Variants in SIPA1L2 observed in about 807,000 individuals in gnomAD.
The protein encoded by SIPA1L2 is signal induced proliferation associated 1 like 2, also known as signal-induced proliferation-associated 1-like protein 2.
SIPA1L2 carries 56 observed loss-of-function variants against 163.9 expected under a neutral mutation model. The observed-to-expected ratio is 0.34, with a 90% CI of 0.28 to 0.43. The LOEUF is 0.43. Ranked by LOEUF, SIPA1L2 falls within the 20% of genes least tolerant of loss-of-function variation. The pLI is 1.00. For missense variants in SIPA1L2, 1,974 were observed against 2,193.5 expected (o/e 0.90, Z 2.00); for synonymous variants, 877 against 865.7 (o/e 1.01, Z -0.23).
intron 2 of SIPA1L2, among the ~76,000 whole-genome samples, chr1:232,531,619 A>T (rs1011062744): frequency 6.6e-6 from 1 of 152,204 alleles, no homozygotes; most frequent in Non-Finnish European, 1.5e-5. Context: ...CTGGCAGAAG[A>T]AGTCATGTAA....
At chr1:232,441,707 AG>A in intron 13 of SIPA1L2, 60 bp downstream of exon 13, 2 of 1,327,544 alleles carry the variant, frequency 1.5e-6, no homozygotes, top group South Asian at 2.4e-5. Flanking sequence ...ATGGGAGAGG[AG>A]GGGGCAGAGA....
At chr1:232,408,104 A>G (rs1268625989) in intron 19 of SIPA1L2, among the ~76,000 whole-genome samples, 1 of 152,178 alleles carries the variant, frequency 6.6e-6, no homozygotes, top group Non-Finnish European at 1.5e-5. Context: ...ACAGACCACC[A>G]ATTTCACTTA....
intron 16 of SIPA1L2, among the ~76,000 whole-genome samples, chr1:232,429,633 C>A (rs1056193448): frequency 6.6e-6 from 1 of 150,664 alleles, no homozygotes; most frequent in African/African-American, 2.4e-5. Flanking sequence ...AGAAGCATTT[C>A]ATAACTTTTA....
Position 232,465,513 on chromosome 1 carries a change from T to TACACACACACACAC in SIPA1L2, c.2244-98_2244-97insGTGTGTGTGTGTGT. 1.2e-6 allele frequency: 1 copy of TACACACACACACAC among 842,366 alleles called. No homozygotes were observed. Among genetic ancestry groups the TACACACACACACAC allele is most frequent in the Non-Finnish European group, 1.8e-6 (1 of 543,168 alleles). The allele number at this position is 842,366 out of a possible 1,614,324, so 52.2% of individuals were successfully genotyped here. Reference sequence around the variant, plus strand: ...ATATATATACACACACACACACATATACATACACACACACACACACATATA... The same window carrying TACACACACACACAC: ...ATATATATACACACACACACACATATACACACACACACACACATACACACACACACACACATATA... On this transcript the variant is annotated intron_variant, in intron 8 of 22. Coordinates refer to ENST00000674635, the MANE Select transcript of SIPA1L2 (RefSeq NM_020808.5). This position sits in a 1 kb window ranked among gnomAD's most constrained non-coding sequence, Gnocchi z 4.1.
intron 2 of SIPA1L2, among the ~76,000 whole-genome samples, chr1:232,530,340 T>C (rs1667914782): frequency 6.6e-6 from 1 of 152,024 alleles, no homozygotes; most frequent in African/African-American, 2.4e-5. Context: ...GGTCTCAATC[T>C]CCTGACCTCG....
At chr1:232,581,854 T>A (rs1296970708) in intron 1 of SIPA1L2, among the ~76,000 whole-genome samples, 1 of 152,176 alleles carries the variant, frequency 6.6e-6, no homozygotes, top group African/African-American at 2.4e-5. Flanking sequence ...AAGCCCCATA[T>A]TCCCCACAAA....
intron 2 of SIPA1L2, among the ~76,000 whole-genome samples, chr1:232,531,016 C>G (rs1483945574): frequency 2.0e-5 from 3 of 152,172 alleles, no homozygotes; most frequent in Non-Finnish European, 4.4e-5. Context: ...ACTGTGGTAA[C>G]AGTAGCCTGG....
chr1:232,509,921 C>T (rs1666902916), intron 3 of SIPA1L2, among the ~76,000 whole-genome samples: 1 of 152,148 alleles, frequency 6.6e-6, no homozygotes, highest in Admixed American at 6.5e-5. Context: ...CGCTCCTTCC[C>T]CAGCCCGAGC....
chr1:232,501,050 A>AGTTTTTTTTTTT (rs1666445999), intron 3 of SIPA1L2, among the ~76,000 whole-genome samples: 1 of 78,450 alleles, frequency 1.3e-5, no homozygotes, highest in African/African-American at 4.8e-5. Context: ...GCAATGAAGT[A>AGTTTTTTTTTTT]TTTTTTTTTT....
intron 2 of SIPA1L2, among the ~76,000 whole-genome samples, chr1:232,523,304 C>T (rs534192160): frequency 7.9e-5 from 12 of 152,142 alleles, no homozygotes; most frequent in Non-Finnish European, 1.5e-4. Flanking sequence ...GTATTGACTG[C>T]TTCCCATTAA....
chr1:232,464,044 A>T (rs1664383326), intron 9 of SIPA1L2, among the ~76,000 whole-genome samples: 1 of 152,176 alleles, frequency 6.6e-6, no homozygotes, highest in African/African-American at 2.4e-5. Flanking sequence ...ACCTTTTCTA[A>T]TTAAAAAAAA....
intron 1 of SIPA1L2, among the ~76,000 whole-genome samples, chr1:232,577,162 C>T (rs1307731190): frequency 6.6e-6 from 1 of 152,120 alleles, no homozygotes; most frequent in Non-Finnish European, 1.5e-5. Context: ...GTTACCATTC[C>T]AAAAATCTTT....
At chr1:232,608,649 A>C (rs1662088581) in intron 1 of SIPA1L2, among the ~76,000 whole-genome samples, 1 of 152,192 alleles carries the variant, frequency 6.6e-6, no homozygotes, top group South Asian at 2.1e-4. Context: ...GAGTTACTAA[A>C]GATGTTTCTC....
intron 2 of SIPA1L2, among the ~76,000 whole-genome samples, chr1:232,537,562 T>TC (rs1657388182): frequency 6.6e-6 from 1 of 152,186 alleles, no homozygotes; most frequent in Admixed American, 6.5e-5. Context: ...TAAAAATCCC[T>TC]GAAGCTTTGG....
intron 2 of SIPA1L2, among the ~76,000 whole-genome samples, chr1:232,540,235 T>G (rs555501056): frequency 3.3e-5 from 5 of 151,880 alleles, no homozygotes; most frequent in African/African-American, 9.7e-5. Flanking sequence ...ACCCGGGAGG[T>G]GGACGTTGCA....
chr1:232,463,418 C>T (rs1664340681), intron 9 of SIPA1L2, among the ~76,000 whole-genome samples: 2 of 152,214 alleles, frequency 1.3e-5, no homozygotes, highest in African/African-American at 4.8e-5. Context: ...CTTCAACAGT[C>T]TTTGGTCTGG....
At chr1:232,584,710 A>G (rs2102813112) in intron 1 of SIPA1L2, among the ~76,000 whole-genome samples, 1 of 152,370 alleles carries the variant, frequency 6.6e-6, no homozygotes, top group African/African-American at 2.4e-5. Context: ...ACAAAGGGAA[A>G]GTATCCATTC....
chr1:232,421,210 G>A (rs116653790), intron 18 of SIPA1L2, among the ~76,000 whole-genome samples: 186 of 152,252 alleles, frequency 1.2e-3, no homozygotes, highest in Middle Eastern at 3.4e-3. Context: ...AATTCTTACT[G>A]CCCATGTTGC....
chr1:232,475,070 T>C (rs1409318802), intron 7 of SIPA1L2, among the ~76,000 whole-genome samples: 1 of 152,124 alleles, frequency 6.6e-6, no homozygotes, highest in East Asian at 1.9e-4. Flanking sequence ...CCAGAGAAGG[T>C]CTTTAGAAAG....
Sources: gnomAD v4.1 joint callset for allele counts (sites outside exome capture counted in the v4.1 genomes callset) on GRCh38, gnomAD v4.1.1 for gene constraint, Gnocchi (gnomAD v3.1) non-coding constraint, MANE v1.5 for transcripts, NCBI Gene and HGNC (gene_info 2026-07-23, HGNC 2026-07-21) for gene names.